Variants in ABCC12 observed in about 807,000 individuals in gnomAD.
ABCC12 encodes ATP binding cassette subfamily C member 12.
Under a neutral mutation model 151.1 loss-of-function variants are expected in ABCC12, and 142 were observed. That is an observed-to-expected ratio of 0.94 (90% confidence interval 0.82 to 1.08). ABCC12 has a LOEUF of 1.08. Among genes scored for constraint, ABCC12 ranks in the 50% least tolerant of loss-of-function variants. The pLI is 0.00. For synonymous variants in ABCC12, 645 were observed against 646.4 expected (o/e 1.00, Z 0.03); for missense variants, 1,638 against 1,691.1 (o/e 0.97, Z 0.55).
In ABCC12 at chr16:48,146,314, G is replaced by A; in HGVS notation, c.111C>T (p.Pro37=). Reference sequence around the variant, plus strand: ...TCCTTCTTCTGACTTACCTTGCACAGGGTCGCACTGGGATCATGGTCTTCA... The same window carrying A: ...TCCTTCTTCTGACTTACCTTGCACAAGGTCGCACTGGGATCATGGTCTTCA... ...PSLKTMIPVR[P]CARLAPNPVD... The change falls in exon 3 of 31, where the codon CCC becomes CCT. Residue 37 remains proline, a synonymous_variant. Coordinates refer to ENST00000311303, the MANE Select transcript of ABCC12 (RefSeq NM_001393797.1). 1 of 1,614,122 alleles carries A rather than the reference G, an allele frequency of 6.2e-7. No homozygotes were observed. Among genetic ancestry groups the A allele is most frequent in the Non-Finnish European group, 8.5e-7 (1 of 1,179,966 alleles).
chr16:48,128,524 C>T lies in ABCC12; in HGVS notation c.1450G>A (p.Gly484Ser), dbSNP rs1201609018. ...ERSPPAKGAT[G>S]PEEQSDSLKS... is the part of the protein sequence containing the mutation. ...AGGCTGTCACTTTGCTCCTCTGGGC[C>T]AGTGGCTCCCTTGGCTGGTGGACTC... The change falls in exon 11 of 31, where the codon GGC (glycine) becomes AGC (serine). Residue 484 changes from glycine to serine, a missense_variant. Gly to Ser is a moderately conservative substitution (Grantham distance 56). Transcript: ENST00000311303. 6.2e-7 allele frequency: 1 copy of T among 1,614,232 alleles called. No homozygotes were observed. Among genetic ancestry groups the T allele is most frequent in the South Asian group, 1.1e-5 (1 of 91,082 alleles).
chr16:48,124,142 C>A (rs1417515338), intron 12 of ABCC12, 71 bp downstream of exon 12: 16 of 1,524,618 alleles, frequency 1.0e-5, no homozygotes, highest in Non-Finnish European at 1.4e-5. Context: ...TGGGTCCACG[C>A]CTGACCGGAA....
At chr16:48,147,880 A>G (rs1965051378) in intron 2 of ABCC12, among the ~76,000 whole-genome samples, 1 of 152,252 alleles carries the variant, frequency 6.6e-6, no homozygotes, top group South Asian at 2.1e-4. Flanking sequence ...GGAGAAGCCC[A>G]CATGTTTTAG....
chr16:48,091,980 C>T (rs1053558259), intron 24 of ABCC12, among the ~76,000 whole-genome samples: 3 of 152,136 alleles, frequency 2.0e-5, no homozygotes, highest in Non-Finnish European at 4.4e-5. Context: ...GAGGAGAAGT[C>T]ACCGAGGAGA....
intron 28 of ABCC12, chr16:48,086,144 A>G (rs1435070356): frequency 5.7e-6 from 1 of 174,924 alleles, no homozygotes; most frequent in Non-Finnish European, 1.2e-5. Context: ...TGTCGGTACC[A>G]AGTCCTGGAA....
intron 13 of ABCC12, among the ~76,000 whole-genome samples, chr16:48,117,904 G>C (rs530646501): frequency 6.6e-6 from 1 of 152,308 alleles, no homozygotes; most frequent in South Asian, 2.1e-4. Flanking sequence ...CAACAACTCG[G>C]GATACTGAGT....
chr16:48,119,101 G>A (rs1963984827), intron 13 of ABCC12, among the ~76,000 whole-genome samples: 2 of 152,166 alleles, frequency 1.3e-5, no homozygotes, highest in South Asian at 4.1e-4. Flanking sequence ...ATGGCCCTGA[G>A]AGCCACAGTT....
At chr16:48,123,614 A>C (rs542875430) in intron 12 of ABCC12, among the ~76,000 whole-genome samples, 45 of 152,196 alleles carry the variant, frequency 3.0e-4, no homozygotes, top group Non-Finnish European at 5.6e-4. Context: ...TTTTTCCACA[A>C]AGCTTCTCAT....
chr16:48,115,438 C>G lies in ABCC12; in HGVS notation c.1966G>C (p.Val656Leu), dbSNP rs377304827. ...IKKTLRGKTV[V>L]LVTHQLQFLE... ...ACCTGTAGCTGGTGGGTCACCAGGA[C>G]GACTGTCTTTCCCCTGAGCGTCTTC... Residue 656 changes from valine to leucine, a missense_variant, in exon 15 of 31, where the codon GTC becomes CTC. Transcript: ENST00000311303. 2 of 1,614,022 alleles carry G rather than the reference C, an allele frequency of 1.2e-6. No homozygotes were observed. The highest frequency in any genetic ancestry group is 2.7e-5 in the African/African-American group (2 of 75,062).
At chr16:48,084,856 G>A (rs1231769311) in intron 29 of ABCC12, among the ~76,000 whole-genome samples, 2 of 152,144 alleles carry the variant, frequency 1.3e-5, no homozygotes, top group African/African-American at 4.8e-5. Flanking sequence ...TCACAGGACG[G>A]ATTTGATTTA....
intron 26 of ABCC12, 72 bp from the exon 27 acceptor site, chr16:48,088,157 C>T: frequency 6.6e-7 from 1 of 1,521,306 alleles, no homozygotes; most frequent in Non-Finnish European, 9.0e-7. Context: ...AGCATTTAAT[C>T]AGTGGGATTT....
intron 3 of ABCC12, among the ~76,000 whole-genome samples, 177 bp from the exon 4 acceptor site, chr16:48,144,242 C>A (rs1964925046): frequency 6.6e-6 from 1 of 152,086 alleles, no homozygotes; most frequent in Non-Finnish European, 1.5e-5. Context: ...CTGGTGAGAG[C>A]CAATTGTTAA....
At chr16:48,100,283 T>C (rs186815622) in intron 23 of ABCC12, among the ~76,000 whole-genome samples, 69 of 152,310 alleles carry the variant, frequency 4.5e-4, no homozygotes, top group Non-Finnish European at 4.1e-4. Context: ...TTATGTCATA[T>C]TTTAGAAGTT....
chr16:48,103,596 T>C (rs1963378161), intron 22 of ABCC12, among the ~76,000 whole-genome samples: 2 of 152,198 alleles, frequency 1.3e-5, no homozygotes, highest in Non-Finnish European at 2.9e-5. Flanking sequence ...CAAATTTCTC[T>C]GATTTGCAAC....
chr16:48,139,563 T>C (rs1596629236), intron 6 of ABCC12, among the ~76,000 whole-genome samples: 1 of 152,172 alleles, frequency 6.6e-6, no homozygotes, highest in African/African-American at 2.4e-5. Flanking sequence ...AGACAAAGTG[T>C]AATGTTACCA....
At chr16:48,147,177 G>A (rs1022905397) in intron 2 of ABCC12, among the ~76,000 whole-genome samples, 2 of 152,070 alleles carry the variant, frequency 1.3e-5, no homozygotes, top group African/African-American at 4.8e-5. Context: ...CAGGTGGAGA[G>A]GACACTTTTT....
At chr16:48,088,915 A>C (rs1962754884) in intron 25 of ABCC12, among the ~76,000 whole-genome samples, 181 bp from the exon 26 acceptor site, 1 of 152,248 alleles carries the variant, frequency 6.6e-6, no homozygotes, top group South Asian at 2.1e-4. Context: ...ATAAACAAGA[A>C]AAAAAATTAA....
At chr16:48,089,261 G>A (rs1295169791) in intron 25 of ABCC12, among the ~76,000 whole-genome samples, 1 of 152,162 alleles carries the variant, frequency 6.6e-6, no homozygotes, top group Non-Finnish European at 1.5e-5. Context: ...TGGGCCTGTG[G>A]GCCTGGGAAA....
At chr16:48,134,777 G>A (rs975988317) in intron 8 of ABCC12, among the ~76,000 whole-genome samples, 1 of 152,160 alleles carries the variant, frequency 6.6e-6, no homozygotes, top group Admixed American at 6.5e-5. Flanking sequence ...CCTCAGCCAG[G>A]AGTGGTGGCT....
Sources: allele counts gnomAD v4.1 joint callset (sites outside exome capture counted in the v4.1 genomes callset), GRCh38; gene constraint gnomAD v4.1.1; transcripts MANE v1.5; gene names NCBI Gene and HGNC (gene_info 2026-07-23, HGNC 2026-07-21).